The following MINAR1 variants were observed in gnomAD, a reference collection of about 807,000 sequenced individuals.
MINAR1 encodes the protein membrane integral NOTCH2 associated receptor 1.
A neutral mutation model predicts 65.1 loss-of-function variants in MINAR1; 40 were observed. That is an observed-to-expected ratio of 0.61 (90% CI 0.48 to 0.80). The LOEUF is 0.80. Ranked by LOEUF, MINAR1 falls within the 30% of genes least tolerant of loss-of-function variation. The pLI is 0.00. For missense variants in MINAR1, 1,128 were observed against 1,148.0 expected (o/e 0.98, Z 0.25); for synonymous variants, 482 against 449.1 (o/e 1.07, Z -0.93).
chr15:79,471,655 T>C lies in MINAR1; in HGVS notation c.*3271T>C, dbSNP rs1279743527. On this transcript the variant is annotated 3_prime_UTR_variant, in exon 4 of 4. Transcript: ENST00000305428. ...GATACCCTTATTGGAATCAAGGCAG[T>C]GCTGTTTCTGTTTACAAGTTATCAA... 1.3e-5 allele frequency: 2 copies of C among 152,586 alleles called. No homozygotes were observed. The highest frequency in any genetic ancestry group is 2.9e-5 in the Non-Finnish European group (2 of 68,028). 9.5% of individuals were successfully genotyped at this position (152,586 alleles called of 1,614,324 possible).
intron 1 of MINAR1, among the ~76,000 whole-genome samples, chr15:79,450,110 C>T (rs943665092): frequency 6.6e-6 from 1 of 152,198 alleles, no homozygotes; most frequent in Admixed American, 6.5e-5. Flanking sequence ...GCCTAGGGGT[C>T]AGGAACCCTG....
chr15:79,411,693 C>G, the MINAR1 span: 4 of 545,480 alleles, frequency 7.3e-6, no homozygotes, highest in Non-Finnish European at 1.3e-5. Flanking sequence ...CTCTGGAATC[C>G]CGGCAGGAGG....
At chr15:79,426,895 T>C in the MINAR1 span, 1 of 152,254 alleles carries the variant, frequency 6.6e-6, no homozygotes, top group African/African-American at 2.4e-5. Context: ...ATTCCTACCA[T>C]TTGTCCCAGC....
At position 79,470,519 on chromosome 15, in the gene MINAR1, G is replaced by A. The variant is rs549581429; in HGVS notation, c.*2135G>A. ...TCCATTTAACAGGTAGGACCATCGA[G>A]GCTGGACCAAACCACTTTTTCCACT... On this transcript the variant is annotated 3_prime_UTR_variant, in exon 4 of 4. Coordinates refer to ENST00000305428, the MANE Select transcript of MINAR1 (RefSeq NM_015206.3). 3 of 149,028 alleles carry A rather than the reference G, an allele frequency of 2.0e-5. No homozygotes were observed. Among genetic ancestry groups the A allele is most frequent in the African/African-American group, 7.8e-5 (3 of 38,398 alleles). 9.2% of individuals were successfully genotyped at this position (149,028 alleles called of 1,614,324 possible).
In MINAR1 at chr15:79,450,525, G is replaced by C. The variant is rs117177242; in HGVS notation, c.-50-5573G>C. On this transcript the variant is annotated intron_variant, in intron 1 of 3. Coordinates refer to ENST00000305428, the MANE Select transcript of MINAR1 (RefSeq NM_015206.3). The stretch of plus-strand genomic sequence containing the variant: ...TTTCATGGAATCAGTTTTCTGAACT[G>C]TCTTCCTATTAAAAAAAAAAAAAAG... Among the ~76,000 whole-genome samples, 3 of 149,044 alleles carry C rather than the reference G, an allele frequency of 2.0e-5. No homozygotes were observed. In the East Asian group the frequency reaches 6.1e-4, roughly 30 times the overall value.
chr15:79,457,702 A>G lies in MINAR1; in HGVS notation c.1555A>G (p.Ser519Gly), dbSNP rs1895484683. The G allele has an allele frequency of 6.2e-7, 1 of 1,614,206 alleles. No homozygotes were observed. The highest frequency in any genetic ancestry group is 1.3e-5 in the African/African-American group (1 of 75,044). ...CTCAGAAATTGTCAGCGACGACATC[A>G]GTGACATTTTCCGATTTCTTGATGA... ...DDSEIVSDDISDIFRFLDDMS... is the reference protein window; with the variant it reads ...DDSEIVSDDIGDIFRFLDDMS... Residue 519 changes from serine (S) to glycine (G), a missense_variant, in exon 2 of 4, where the codon AGT becomes GGT. Transcript: ENST00000305428.
intron 1 of MINAR1, among the ~76,000 whole-genome samples, chr15:79,442,452 T>C (rs186778825): frequency 1.3e-5 from 2 of 152,286 alleles, no homozygotes; most frequent in Admixed American, 1.3e-4. Flanking sequence ...TGTCAAATTA[T>C]AATAGGAACT....
chr15:79,442,050 CT>C (rs57139012), intron 1 of MINAR1, among the ~76,000 whole-genome samples: 83 of 139,682 alleles, frequency 5.9e-4, no homozygotes, highest in African/African-American at 8.6e-4. Flanking sequence ...GGTTTTTTTA[CT>C]TTTTTTTTTT....
the MINAR1 span, chr15:79,414,293 TAGGTTA>T: frequency 6.6e-6 from 1 of 152,198 alleles, no homozygotes; most frequent in Non-Finnish European, 1.5e-5. Context: ...CCCTAATATA[TAGGTTA>T]AGATCCCTGT....
chr15:79,448,175 A>G lies in MINAR1; in HGVS notation c.-50-7923A>G, dbSNP rs563285491. Among the ~76,000 whole-genome samples the G allele has an allele frequency of 4.6e-5, 7 of 152,298 alleles. No individual in the cohort carries two copies. The South Asian group carries it at 8.3e-4, about 18-fold the overall frequency. On this transcript the variant is annotated intron_variant, in intron 1 of 3. Coordinates refer to ENST00000305428, the MANE Select transcript of MINAR1 (RefSeq NM_015206.3). The stretch of plus-strand genomic sequence containing the variant: ...GGTGTTCATAATCAGAGTTTTTCAC[A>G]TTCTCTAAGCTTACTTTCTTGCCAG...
intron 3 of MINAR1, 80 bp from the exon 4 acceptor site, chr15:79,468,107 C>A: frequency 2.6e-6 from 3 of 1,144,022 alleles, no homozygotes; most frequent in East Asian, 2.5e-5. Context: ...TTAAGTGCTT[C>A]AGGAGTGATG....
At chr15:79,461,525 G>T (rs866818466) in intron 2 of MINAR1, among the ~76,000 whole-genome samples, 1 of 152,194 alleles carries the variant, frequency 6.6e-6, no homozygotes, top group South Asian at 2.1e-4. Context: ...CGGTGGTGAT[G>T]AGCAAAAACT....
the MINAR1 span, chr15:79,412,322 T>A: frequency 1.3e-5 from 2 of 151,790 alleles, no homozygotes; most frequent in South Asian, 4.2e-4. Flanking sequence ...CTGGCATGAG[T>A]GAACTCAGCC....
At position 79,469,658 on chromosome 15, in the gene MINAR1, T is replaced by G. The variant is rs1344027290; in HGVS notation, c.*1274T>G. ...TTCGTGTAAAAGAAGCTGTTGTAAT[T>G]TCATCCAAATTTGATCTGTTTCCAC... is the stretch of plus-strand genomic sequence containing the variant. On this transcript the variant is annotated 3_prime_UTR_variant, in exon 4 of 4. Transcript: ENST00000305428. 1 of 152,654 alleles carries G rather than the reference T, an allele frequency of 6.6e-6. No individual in the cohort carries two copies. The highest frequency in any genetic ancestry group is 2.4e-5 in the African/African-American group (1 of 41,462). 9.5% of individuals were successfully genotyped at this position (152,654 alleles called of 1,614,324 possible).
chr15:79,468,123 C>T (rs927877916), intron 3 of MINAR1, 64 bp from the exon 4 acceptor site: 11 of 1,339,638 alleles, frequency 8.2e-6, no homozygotes, highest in Middle Eastern at 2.1e-4. Flanking sequence ...TGATGACTGT[C>T]GGGACGTCTT....
intron 1 of MINAR1, among the ~76,000 whole-genome samples, chr15:79,451,970 G>C (rs1375509922): frequency 1.3e-5 from 2 of 152,168 alleles, no homozygotes; most frequent in Non-Finnish European, 2.9e-5. Context: ...GGAGAGAACA[G>C]AGCTAAGAGA....
chr15:79,438,465 T>A (rs1189611406), intron 1 of MINAR1, among the ~76,000 whole-genome samples: 1 of 1,180 alleles, frequency 8.5e-4, no homozygotes. Flanking sequence ...TGGGTGTGGG[T>A]GGGTAGTGTG....
chr15:79,434,503 C>T (rs113387822), intron 1 of MINAR1, among the ~76,000 whole-genome samples: 1,832 of 152,318 alleles, frequency 0.012, 39 homozygotes, highest in African/African-American at 0.042. Flanking sequence ...TCTTGACAAA[C>T]GTGCAGCAGA....
chr15:79,462,076 G>T (rs571390343), intron 2 of MINAR1, among the ~76,000 whole-genome samples: 2 of 151,862 alleles, frequency 1.3e-5, no homozygotes, highest in African/African-American at 4.8e-5. Context: ...CAACTTCTTT[G>T]CTCTCTGTTC....
Sources: gnomAD v4.1 joint callset for allele counts (sites outside exome capture counted in the v4.1 genomes callset) on GRCh38, gnomAD v4.1.1 for gene constraint, MANE v1.5 for transcripts, NCBI Gene and HGNC (gene_info 2026-07-23, HGNC 2026-07-21) for gene names.